The following RABGAP1L variants were observed in gnomAD, a reference collection of about 807,000 sequenced individuals.
The protein encoded by RABGAP1L is RAB GTPase activating protein 1 like, also known as rab GTPase-activating protein 1-like.
A neutral mutation model predicts 137.7 loss-of-function variants in RABGAP1L; 63 were observed. The observed-to-expected ratio is 0.46, with a 90% confidence interval of 0.37 to 0.56. The LOEUF (loss-of-function observed/expected upper bound fraction) is 0.56, where lower values mean the gene tolerates loss of function less well. RABGAP1L is among the 20% of genes least tolerant of loss of function. The pLI is 0.00. For missense variants in RABGAP1L, 1,095 were observed against 1,244.0 expected (o/e 0.88, Z 1.80); for synonymous variants, 431 against 433.7 (o/e 0.99, Z 0.08).
Position 174,473,544 on chromosome 1 carries a change from C to G in RABGAP1L, c.1710+79399C>G, listed in dbSNP as rs1658173971. On this transcript the variant is annotated intron_variant, in intron 13 of 25. Coordinates refer to ENST00000681986, the MANE Select transcript of RABGAP1L (RefSeq NM_001366446.1). ...CTGTACCACGTGTGGCCCTTTCTTT[C>G]CTTAGGATGTTACCTTAGAGGTTTC... 2.0e-5 allele frequency among the ~76,000 whole-genome samples: 3 copies of G among 152,104 alleles called. No individual in the cohort carries two copies. The South Asian group carries it at 6.2e-4, about 32-fold the overall frequency.
chr1:174,526,237 G>A (rs975294612), intron 13 of RABGAP1L, among the ~76,000 whole-genome samples: 1 of 152,078 alleles, frequency 6.6e-6, no homozygotes, highest in African/African-American at 2.4e-5. Flanking sequence ...CGGTTTGCTA[G>A]TATTTTGTTG....
intron 4 of RABGAP1L, among the ~76,000 whole-genome samples, chr1:174,238,315 A>G (rs1571711987): frequency 6.6e-6 from 1 of 152,194 alleles, no homozygotes; most frequent in African/African-American, 2.4e-5. Flanking sequence ...CCGGTGAGGA[A>G]CTGCGTTCCT....
intron 19 of RABGAP1L, among the ~76,000 whole-genome samples, chr1:174,872,453 C>T (rs1351606161): frequency 6.6e-6 from 1 of 152,012 alleles, no homozygotes; most frequent in Non-Finnish European, 1.5e-5. Context: ...TCACTTAGAG[C>T]ACATGGGCTT....
chr1:174,493,784 G>T (rs1256050206), intron 13 of RABGAP1L, among the ~76,000 whole-genome samples: 1 of 146,610 alleles, frequency 6.8e-6, no homozygotes, highest in East Asian at 2.0e-4. Flanking sequence ...TCATGTCAGT[G>T]CACTTCAGCC....
At chr1:174,956,891 G>A (rs1464475848) in intron 19 of RABGAP1L, among the ~76,000 whole-genome samples, 4 of 151,750 alleles carry the variant, frequency 2.6e-5, no homozygotes, top group African/African-American at 7.3e-5. Flanking sequence ...CAAGTGATCC[G>A]CCCACCTCAG....
rs777486613 is a variant in RABGAP1L, at chr1:174,252,569, A to G, written c.965A>G (p.Asn322Ser). 2 of 1,608,960 alleles carry G rather than the reference A, an allele frequency of 1.2e-6. No homozygotes were observed. The highest frequency in any genetic ancestry group is 1.7e-6 in the Non-Finnish European group (2 of 1,178,574). Residue 322 changes from asparagine (N) to serine (S), a missense_variant, in exon 7 of 26, where the codon AAC becomes AGC. Asn to Ser is a conservative substitution (Grantham distance 46, BLOSUM62 1). Transcript: ENST00000681986. ...KVVITVQQLS[N>S]KELAIERCFG... is the part of the protein sequence containing the mutation. ...GTGATTACAGTGCAGCAACTTTCTA[A>G]CAAAGAATTAGCTATTGAAAGGTAA... is the stretch of plus-strand genomic sequence containing the variant.
At chr1:174,635,285 G>A (rs1331943646) in intron 13 of RABGAP1L, among the ~76,000 whole-genome samples, 2 of 152,024 alleles carry the variant, frequency 1.3e-5, no homozygotes, top group Non-Finnish European at 2.9e-5. Flanking sequence ...CGGGCCAATA[G>A]GCACATATTT....
At chr1:174,929,696 T>G (rs547093141) in intron 19 of RABGAP1L, among the ~76,000 whole-genome samples, 1 of 151,390 alleles carries the variant, frequency 6.6e-6, no homozygotes, top group Non-Finnish European at 1.5e-5. Flanking sequence ...TGAGCTATGA[T>G]CATATCACTG....
At chr1:174,875,536 A>G (rs1652943925) in intron 19 of RABGAP1L, 1 of 985,404 alleles carries the variant, frequency 1.0e-6, no homozygotes, top group African/African-American at 1.7e-5. Context: ...TTATTCAGAT[A>G]TCCATGTGTG....
At position 174,967,548 on chromosome 1, in the gene RABGAP1L, G is replaced by A. The variant is rs111755510; in HGVS notation, c.2434-1729G>A. 5.2e-3 allele frequency among the ~76,000 whole-genome samples: 795 copies of A among 151,998 alleles called. 10 individuals are homozygous for A. Among genetic ancestry groups the A allele is most frequent in the African/African-American group, 0.018 (749 of 41,446 alleles). On this transcript the variant is annotated intron_variant, in intron 20 of 25. Coordinates refer to ENST00000681986, the MANE Select transcript of RABGAP1L (RefSeq NM_001366446.1). ...GTGGAGATGAGGTTTCACCATGTTGGCCAGGCTGGTCTTGAACTGACCTCA... is the reference window on the plus strand; with the variant it reads ...GTGGAGATGAGGTTTCACCATGTTGACCAGGCTGGTCTTGAACTGACCTCA...
At chr1:174,589,317 G>C (rs1182847843) in intron 13 of RABGAP1L, among the ~76,000 whole-genome samples, 1 of 151,706 alleles carries the variant, frequency 6.6e-6, no homozygotes, top group Non-Finnish European at 1.5e-5. Flanking sequence ...TTTTTCTATT[G>C]AGTTGTTGGA....
At chr1:174,265,004 A>G (rs1018954085) in intron 7 of RABGAP1L, among the ~76,000 whole-genome samples, 2 of 152,170 alleles carry the variant, frequency 1.3e-5, no homozygotes, top group African/African-American at 2.4e-5. Context: ...AACCCTATCT[A>G]CATGTGTTTT....
chr1:174,550,895 TACACACACACATATACACACACACAC>T (rs1666403560), intron 13 of RABGAP1L, among the ~76,000 whole-genome samples: 13 of 50,880 alleles, frequency 2.6e-4, no homozygotes, highest in East Asian at 6.2e-4. Flanking sequence ...TATATATATA[TACACACACACATATACACACACACAC>T]ATATATATAT....
intron 13 of RABGAP1L, among the ~76,000 whole-genome samples, chr1:174,397,738 G>T (rs904739997): frequency 7.2e-5 from 11 of 152,118 alleles, no homozygotes; most frequent in Non-Finnish European, 5.9e-5. Context: ...TCTACTCAAG[G>T]TAGCCAGACT....
intron 11 of RABGAP1L, among the ~76,000 whole-genome samples, chr1:174,347,497 G>GT (rs1225592282): frequency 4.4e-4 from 46 of 105,282 alleles, no homozygotes; most frequent in African/African-American, 9.7e-4. Context: ...GTGTGTGTGT[G>GT]TGTTTTTTTC....
intron 19 of RABGAP1L, among the ~76,000 whole-genome samples, chr1:174,834,698 C>A (rs1007143545): frequency 9.1e-5 from 13 of 143,110 alleles, no homozygotes; most frequent in African/African-American, 3.4e-4. Flanking sequence ...GGGTGGGAGT[C>A]ATATATATCA....
intron 13 of RABGAP1L, chr1:174,548,373 G>C (rs1447692934): frequency 1.9e-6 from 2 of 1,035,242 alleles, no homozygotes; most frequent in African/African-American, 3.3e-5. Context: ...TAAAAGTCCT[G>C]TCTACCATAT....
chr1:174,840,967 T>A (rs1187216491), intron 19 of RABGAP1L, among the ~76,000 whole-genome samples: 1 of 152,102 alleles, frequency 6.6e-6, no homozygotes, highest in Non-Finnish European at 1.5e-5. Flanking sequence ...GGAAAAGTTT[T>A]AAATAAGGCA....
chr1:174,959,896 G>A (rs965723752), intron 20 of RABGAP1L, among the ~76,000 whole-genome samples: 45 of 152,176 alleles, frequency 3.0e-4, no homozygotes, highest in African/African-American at 1.1e-3. Flanking sequence ...CTTAATTAAA[G>A]TAGCAAAGTT....
Sources: allele counts gnomAD v4.1 joint callset (sites outside exome capture counted in the v4.1 genomes callset), GRCh38; gene constraint gnomAD v4.1.1; transcripts MANE v1.5; gene names NCBI Gene and HGNC (gene_info 2026-07-23, HGNC 2026-07-21).